PDE11A: variants seen among roughly 807,000 people sequenced by gnomAD.
PDE11A encodes dual 3',5'-cyclic-AMP and -GMP phosphodiesterase 11A.
A neutral mutation model predicts 100.5 loss-of-function variants in PDE11A; 100 were observed. The observed-to-expected ratio is 1.00, with a 90% CI of 0.85 to 1.18. The LOEUF (loss-of-function observed/expected upper bound fraction) is 1.18. Among genes scored for constraint, PDE11A ranks in the 50% most tolerant of loss-of-function variants. The pLI is 0.00. For missense variants in PDE11A, 1,141 were observed against 1,152.6 expected (o/e 0.99, Z 0.15); for synonymous variants, 381 against 420.8 (o/e 0.91, Z 1.16).
At chr2:177,675,262 T>A (rs79495616) in intron 17 of PDE11A, among the ~76,000 whole-genome samples, 193 bp downstream of exon 17, 142 of 139,104 alleles carry the variant, frequency 1.0e-3, no homozygotes, top group African/African-American at 2.5e-3. Flanking sequence ...GAAAGCACGA[T>A]AAAAAAAAAA....
At chr2:177,987,206 G>A (rs1055132670) in intron 2 of PDE11A, among the ~76,000 whole-genome samples, 1 of 151,982 alleles carries the variant, frequency 6.6e-6, no homozygotes, top group Non-Finnish European at 1.5e-5. Flanking sequence ...TGTGAGAATC[G>A]AGAGGCAGAG....
chr2:177,787,744 C>T (rs367794066), intron 9 of PDE11A, among the ~76,000 whole-genome samples: 4 of 151,390 alleles, frequency 2.6e-5, no homozygotes, highest in African/African-American at 7.3e-5. Context: ...AATCCTAGTC[C>T]CTGATAAAAC....
At chr2:177,942,582 A>T (rs955347844) in intron 2 of PDE11A, among the ~76,000 whole-genome samples, 1 of 152,026 alleles carries the variant, frequency 6.6e-6, no homozygotes, top group Non-Finnish European at 1.5e-5. Context: ...TTGTATTTTT[A>T]GAAGAGATGG....
intron 5 of PDE11A, 71 bp from the exon 6 acceptor site, chr2:177,840,454 A>G (rs2083473592): frequency 7.7e-7 from 1 of 1,291,210 alleles, no homozygotes; most frequent in African/African-American, 1.5e-5. Flanking sequence ...AACCCTATAA[A>G]CTACACTAAT....
At chr2:177,987,813 A>G (rs946256421) in intron 2 of PDE11A, among the ~76,000 whole-genome samples, 1 of 152,240 alleles carries the variant, frequency 6.6e-6, no homozygotes, top group African/African-American at 2.4e-5. Context: ...TTGTGTTATC[A>G]TAAAAGAAGA....
At chr2:177,903,797 G>A (rs760240633) in intron 3 of PDE11A, among the ~76,000 whole-genome samples, 1 of 152,212 alleles carries the variant, frequency 6.6e-6, no homozygotes, top group Non-Finnish European at 1.5e-5. Flanking sequence ...GGCATTGAAG[G>A]CCGAGGGAGG....
chr2:178,004,631 A>C (rs148040305), intron 2 of PDE11A, among the ~76,000 whole-genome samples: 1 of 152,326 alleles, frequency 6.6e-6, no homozygotes, highest in East Asian at 1.9e-4. Context: ...TAAATCAGAG[A>C]AGAGTTTATA....
At chr2:178,006,625 T>G (rs13391481) in intron 2 of PDE11A, among the ~76,000 whole-genome samples, 1,584 of 152,290 alleles carry the variant, frequency 0.01, 25 homozygotes, top group African/African-American at 0.036. Flanking sequence ...AAATCTTGGT[T>G]GTTGTTGTTT....
At chr2:178,052,712 A>G (rs1004299755) in intron 1 of PDE11A, among the ~76,000 whole-genome samples, 1 of 152,230 alleles carries the variant, frequency 6.6e-6, no homozygotes, top group African/African-American at 2.4e-5. Flanking sequence ...AATACAAACT[A>G]CCATCAGAGA....
intron 2 of PDE11A, chr2:177,998,041 T>G: frequency 1.6e-6 from 2 of 1,258,770 alleles, no homozygotes; most frequent in Non-Finnish European, 2.3e-6. Context: ...GGGTACTGCC[T>G]GCTGAGTGCA....
chr2:177,925,162 C>T (rs1184696030), intron 2 of PDE11A, among the ~76,000 whole-genome samples: 4 of 150,908 alleles, frequency 2.7e-5, no homozygotes, highest in African/African-American at 9.7e-5. Flanking sequence ...CAAGTCTTTG[C>T]TATTGTGAAT....
At chr2:177,836,453 G>T (rs527637010) in intron 6 of PDE11A, among the ~76,000 whole-genome samples, 1 of 152,048 alleles carries the variant, frequency 6.6e-6, no homozygotes, top group Non-Finnish European at 1.5e-5. Flanking sequence ...GTCTATCTTG[G>T]GGATTGTAAA....
At chr2:177,836,532 G>A (rs1245135867) in intron 6 of PDE11A, among the ~76,000 whole-genome samples, 2 of 152,318 alleles carry the variant, frequency 1.3e-5, no homozygotes, top group East Asian at 3.9e-4. Context: ...AGCAGGATGT[G>A]GGTGGGGCCA....
intron 19 of PDE11A, among the ~76,000 whole-genome samples, chr2:177,641,455 T>G (rs930769941): frequency 1.4e-4 from 21 of 145,504 alleles, no homozygotes; most frequent in Non-Finnish European, 2.5e-4. Flanking sequence ...AGACTCCACA[T>G]GGTGCGTTTG....
At chr2:177,819,382 A>G (rs1285204547) in intron 7 of PDE11A, among the ~76,000 whole-genome samples, 3 of 152,130 alleles carry the variant, frequency 2.0e-5, no homozygotes, top group Non-Finnish European at 2.9e-5. Flanking sequence ...AAATGGATGC[A>G]TTAGTTACCA....
intron 9 of PDE11A, among the ~76,000 whole-genome samples, chr2:177,799,076 T>C (rs2082746874): frequency 6.6e-6 from 1 of 152,118 alleles, no homozygotes; most frequent in Non-Finnish European, 1.5e-5. Flanking sequence ...ACCCATAATT[T>C]TGGTGTAATC....
At chr2:177,889,045 T>G (rs962100121) in intron 4 of PDE11A, among the ~76,000 whole-genome samples, 1 of 152,218 alleles carries the variant, frequency 6.6e-6, no homozygotes, top group African/African-American at 2.4e-5. Context: ...CCTGCTTGGC[T>G]AGATTTCAAA....
intron 2 of PDE11A, among the ~76,000 whole-genome samples, chr2:177,946,158 T>C (rs2085424903): frequency 9.5e-6 from 1 of 105,036 alleles, no homozygotes; most frequent in Admixed American, 9.0e-5. Context: ...GAGGGGCGCC[T>C]CTGCCCGGCC....
intron 2 of PDE11A, among the ~76,000 whole-genome samples, chr2:177,942,471 C>T (rs1173744727): frequency 2.0e-5 from 3 of 150,510 alleles, no homozygotes; most frequent in East Asian, 3.9e-4. Context: ...GGCGTGATCT[C>T]GGCTCACCGC....
Sources: allele counts gnomAD v4.1 joint callset (sites outside exome capture counted in the v4.1 genomes callset), GRCh38; gene constraint gnomAD v4.1.1; transcripts MANE v1.5; gene names NCBI Gene and HGNC (gene_info 2026-07-23, HGNC 2026-07-21).